The following TRDN variants were observed in gnomAD, a reference collection of about 807,000 sequenced individuals.
The protein encoded by TRDN is triadin.
Under a neutral mutation model 149.7 loss-of-function variants are expected in TRDN, and 161 were observed. The ratio of observed to expected loss-of-function variants is 1.08; its 90% confidence interval spans 0.95 to 1.23. The LOEUF (loss-of-function observed/expected upper bound fraction) is 1.23. TRDN is among the 50% of genes most tolerant of loss of function. TRDN has a pLI of 0.00. For synonymous variants in TRDN, 294 were observed against 250.5 expected, an observed-to-expected ratio of 1.17 and a Z score of -1.64; for missense variants, 896 against 823.5, an observed-to-expected ratio of 1.09 and a Z score of -1.08.
Position 123,403,749 on chromosome 6 carries a change from A to T in TRDN, c.1052-10072T>A, listed in dbSNP as rs528108011. On this transcript the variant is annotated intron_variant, in intron 12 of 40. Coordinates refer to ENST00000334268, the MANE Select transcript of TRDN (RefSeq NM_006073.4). ...GAGCACAAGGAAGAGGTCCAAATTTAAAAAACTCAACATAACTGAAAATAG... is the reference window on the plus strand; with the variant it reads ...GAGCACAAGGAAGAGGTCCAAATTTTAAAAACTCAACATAACTGAAAATAG... Among the ~76,000 whole-genome samples the T allele has an allele frequency of 4.6e-5, 7 of 152,302 alleles. No individual in the cohort carries two copies. In the South Asian group the frequency reaches 1.2e-3, roughly 27 times the overall value.
At chr6:123,463,361 A>T (rs963130347) in intron 10 of TRDN, among the ~76,000 whole-genome samples, 4 of 138,382 alleles carry the variant, frequency 2.9e-5, no homozygotes, top group South Asian at 5.0e-4. Flanking sequence ...AATAAATAAT[A>T]AATAAATAAA....
intron 20 of TRDN, among the ~76,000 whole-genome samples, chr6:123,356,503 T>TTATATATATATATA (rs71021444): frequency 1.2e-4 from 13 of 106,968 alleles, no homozygotes; most frequent in Admixed American, 2.8e-4. Context: ...TACAAGAAGT[T>TTATATATATATATA]TATATATATA....
At chr6:123,339,380 G>A (rs1170171586) in intron 21 of TRDN, among the ~76,000 whole-genome samples, 1 of 152,112 alleles carries the variant, frequency 6.6e-6, no homozygotes, top group Non-Finnish European at 1.5e-5. Flanking sequence ...TTGGCTTACA[G>A]TAGGATAATT....
chr6:123,576,895 GAA>G (rs763100107), intron 1 of TRDN, among the ~76,000 whole-genome samples: 4 of 151,900 alleles, frequency 2.6e-5, no homozygotes, highest in Non-Finnish European at 5.9e-5. Context: ...GGGCTTTCAT[GAA>G]AAGTGTCAGG....
chr6:123,269,104 T>C (rs1777117427), intron 31 of TRDN, among the ~76,000 whole-genome samples: 1 of 152,028 alleles, frequency 6.6e-6, no homozygotes, highest in Non-Finnish European at 1.5e-5. Context: ...TTCACAAATG[T>C]ACACCATTCA....
chr6:123,601,419 C>G (rs1348426740), intron 1 of TRDN, among the ~76,000 whole-genome samples: 3 of 152,078 alleles, frequency 2.0e-5, no homozygotes, highest in Non-Finnish European at 4.4e-5. Context: ...TTAAGAAGGA[C>G]AAAGTTGCAG....
intron 8 of TRDN, among the ~76,000 whole-genome samples, chr6:123,499,320 C>G (rs1301361979): frequency 6.6e-6 from 1 of 152,052 alleles, no homozygotes; most frequent in African/African-American, 2.4e-5. Context: ...TTCAGAGAGT[C>G]TTCTTTAGCT....
intron 2 of TRDN, among the ~76,000 whole-genome samples, chr6:123,557,609 T>G (rs1448031104): frequency 6.6e-6 from 1 of 152,022 alleles, no homozygotes; most frequent in African/African-American, 2.4e-5. Context: ...GGGAAAACAG[T>G]CTTCCCTTGG....
intron 2 of TRDN, among the ~76,000 whole-genome samples, chr6:123,549,443 T>G (rs1334057533): frequency 6.6e-6 from 1 of 152,080 alleles, no homozygotes; most frequent in Non-Finnish European, 1.5e-5. Flanking sequence ...ATCTGATTTT[T>G]TATCAAGCTG....
chr6:123,453,719 T>A, intron 10 of TRDN, among the ~76,000 whole-genome samples: 1 of 152,018 alleles, frequency 6.6e-6, no homozygotes, highest in East Asian at 1.9e-4. Context: ...GAACTAAAAG[T>A]AGAACTACCA....
intron 2 of TRDN, among the ~76,000 whole-genome samples, chr6:123,565,690 C>G (rs1004177215): frequency 6.6e-6 from 1 of 152,178 alleles, no homozygotes; most frequent in Non-Finnish European, 1.5e-5. Context: ...AGCTCACGCT[C>G]ATGATCCCAG....
At chr6:123,372,879 G>A (rs1388427280) in intron 19 of TRDN, among the ~76,000 whole-genome samples, 1 of 152,086 alleles carries the variant, frequency 6.6e-6, no homozygotes, top group Non-Finnish European at 1.5e-5. Context: ...TGTAGGTAGG[G>A]GAGGTGGGTG....
chr6:123,527,143 G>A (rs905358710), intron 5 of TRDN, among the ~76,000 whole-genome samples: 1 of 151,820 alleles, frequency 6.6e-6, no homozygotes, highest in Non-Finnish European at 1.5e-5. Flanking sequence ...AGTAGAAAAA[G>A]GTTATGGTAA....
chr6:123,608,854 C>A (rs1385781322), intron 1 of TRDN, among the ~76,000 whole-genome samples: 1 of 151,300 alleles, frequency 6.6e-6, no homozygotes, highest in Non-Finnish European at 1.5e-5. Context: ...ATGATCATTT[C>A]TGTATTGTTT....
chr6:123,551,966 C>T (rs995628730), intron 2 of TRDN, among the ~76,000 whole-genome samples: 1 of 151,996 alleles, frequency 6.6e-6, no homozygotes, highest in African/African-American at 2.4e-5. Context: ...CTGCTTCAGT[C>T]ATCTTGTAAC....
intron 10 of TRDN, among the ~76,000 whole-genome samples, chr6:123,440,724 G>A (rs1475634897): frequency 1.3e-5 from 2 of 152,148 alleles, no homozygotes; most frequent in East Asian, 3.9e-4. Flanking sequence ...AAAAGCTTGT[G>A]CCAATTAGTC....
At chr6:123,294,218 A>G (rs1428887721) in intron 24 of TRDN, among the ~76,000 whole-genome samples, 2 of 152,196 alleles carry the variant, frequency 1.3e-5, no homozygotes, top group Admixed American at 6.5e-5. Flanking sequence ...CAAAAGGTCT[A>G]TGAGAAAGCT....
At chr6:123,526,271 G>A (rs1406973196) in intron 5 of TRDN, among the ~76,000 whole-genome samples, 1 of 151,986 alleles carries the variant, frequency 6.6e-6, no homozygotes, top group Non-Finnish European at 1.5e-5. Context: ...CTGATGGGAA[G>A]AGAACAGAGA....
At chr6:123,326,175 G>A (rs563918845) in intron 23 of TRDN, among the ~76,000 whole-genome samples, 3 of 152,016 alleles carry the variant, frequency 2.0e-5, no homozygotes, top group South Asian at 2.1e-4. Context: ...ATAAGAAATC[G>A]CACCCATGCA....
Sources: allele counts gnomAD v4.1 joint callset (sites outside exome capture counted in the v4.1 genomes callset), GRCh38; gene constraint gnomAD v4.1.1; transcripts MANE v1.5; gene names NCBI Gene and HGNC (gene_info 2026-07-23, HGNC 2026-07-21).